The following TLK2 variants were observed in gnomAD, a reference collection of about 807,000 sequenced individuals.
The protein encoded by TLK2 is tousled like kinase 2, also known as serine/threonine-protein kinase tousled-like 2.
TLK2 carries 6 observed loss-of-function variants against 117.3 expected under a neutral mutation model. That is an observed-to-expected ratio of 0.05 (90% CI 0.03 to 0.10). The LOEUF (loss-of-function observed/expected upper bound fraction) is 0.10, where lower values mean the gene tolerates loss of function less well. TLK2 is among the 10% of genes least tolerant of loss of function. TLK2 has a pLI of 1.00. For missense variants in TLK2, 299 were observed against 901.2 expected (o/e 0.33, Z 8.56); for synonymous variants, 257 against 316.7 (o/e 0.81, Z 2.00).
chr17:62,473,381 G>C lies in TLK2; in HGVS notation c.-205+2303G>C, dbSNP rs560881663. On this transcript the variant is annotated intron_variant, in intron 1 of 4. Coordinates refer to the TLK2 transcript ENST00000579450. ...GGCACTAGGCTAGGGAGGTGATTCA[G>C]AAAGGCTCCCAGAGACCCACACACC... Among the ~76,000 whole-genome samples the C allele has an allele frequency of 3.4e-3, 523 of 151,924 alleles. 7 individuals carry two copies. The highest frequency in any genetic ancestry group is 0.012 in the African/African-American group (507 of 41,422).
upstream of TLK2, among the ~76,000 whole-genome samples, chr17:62,476,240 A>C (rs2071041046): frequency 6.6e-6 from 1 of 152,070 alleles, no homozygotes; most frequent in East Asian, 2.0e-4. Flanking sequence ...TTAGCCTCCC[A>C]GAGTGCTGGG....
intron 6 of TLK2, among the ~76,000 whole-genome samples, chr17:62,531,163 T>G (rs2076713988): frequency 6.6e-6 from 1 of 152,228 alleles, no homozygotes; most frequent in African/African-American, 2.4e-5. Context: ...ATTGTCTCTT[T>G]GAATATTATC....
rs754518262 is a variant in TLK2, at chr17:62,612,498, C to T, written c.2186C>T (p.Thr729Ile). ...LLPHIRKSVS[T>I]SSPAGAAIAS... is the part of the protein sequence containing the mutation. ...CCTCACATCCGAAAGTCAGTCTCTA[C>T]AAGTAGCCCTGCTGGAGCTGCTATT... The change falls in exon 22 of 22, where the codon ACA becomes ATA. Residue 729 changes from threonine to isoleucine, a missense_variant. Thr to Ile is a moderately conservative substitution (Grantham distance 89, BLOSUM62 -1). Transcript: ENST00000346027. The T allele has an allele frequency of 6.2e-7, 1 of 1,614,226 alleles. No homozygotes were observed. Among genetic ancestry groups the T allele is most frequent in the Non-Finnish European group, 8.5e-7 (1 of 1,180,042 alleles).
intron 2 of TLK2, among the ~76,000 whole-genome samples, chr17:62,496,956 CA>C (rs1156828880): frequency 0.011 from 472 of 43,398 alleles, no homozygotes; most frequent in African/African-American, 0.026. Context: ...GACTCCATCT[CA>C]AAAAAAAAAA....
At chr17:62,504,758 G>A (rs1232047848) in intron 2 of TLK2, among the ~76,000 whole-genome samples, 2 of 152,142 alleles carry the variant, frequency 1.3e-5, no homozygotes, top group Non-Finnish European at 2.9e-5. Flanking sequence ...CCAGTGAGCT[G>A]TGATGGCACC....
chr17:62,546,435 C>G (rs2077946744), intron 7 of TLK2, among the ~76,000 whole-genome samples: 3 of 138,904 alleles, frequency 2.2e-5, no homozygotes, highest in South Asian at 4.8e-4. Flanking sequence ...TTCCTCTGTT[C>G]TTTTCTCTAG....
intron 7 of TLK2, among the ~76,000 whole-genome samples, chr17:62,544,109 C>T (rs376966428): frequency 4.0e-4 from 61 of 152,174 alleles, no homozygotes; most frequent in African/African-American, 1.1e-3. Flanking sequence ...ATTGAACTGT[C>T]GGCACCGTTT....
intron 2 of TLK2, among the ~76,000 whole-genome samples, chr17:62,511,870 G>A (rs2075169460): frequency 6.6e-6 from 1 of 152,154 alleles, no homozygotes; most frequent in African/African-American, 2.4e-5. Flanking sequence ...AAGCTACTCT[G>A]AACATTCTTA....
intron 16 of TLK2, among the ~76,000 whole-genome samples, chr17:62,596,284 C>T (rs534598792): frequency 3.7e-4 from 57 of 152,180 alleles, no homozygotes; most frequent in Admixed American, 1.0e-3. Context: ...CCATGTTGGC[C>T]AGGATGGTCT....
upstream of TLK2, chr17:62,478,171 C>G (rs1332860595): frequency 6.6e-6 from 1 of 152,042 alleles, no homozygotes; most frequent in African/African-American, 2.4e-5. Flanking sequence ...CGGGAGCCCG[C>G]GAACGCGGGT....
intron 5 of TLK2, among the ~76,000 whole-genome samples, chr17:62,523,529 A>G (rs2076181550): frequency 6.6e-6 from 1 of 152,378 alleles, no homozygotes; most frequent in East Asian, 1.9e-4. Context: ...GCAGTGAGCC[A>G]TGATCTACTG....
At chr17:62,572,299 A>T (rs1386975147) in intron 11 of TLK2, among the ~76,000 whole-genome samples, 1 of 152,164 alleles carries the variant, frequency 6.6e-6, no homozygotes, top group South Asian at 2.1e-4. Flanking sequence ...ATTGTCAATT[A>T]TAGTGGGTGA....
At chr17:62,528,844 A>C (rs774936539) in intron 6 of TLK2, among the ~76,000 whole-genome samples, 5 of 152,230 alleles carry the variant, frequency 3.3e-5, no homozygotes, top group Non-Finnish European at 5.9e-5. Context: ...GAAAATCACT[A>C]TAAAGTTAAC....
chr17:62,513,131 C>T (rs1421845100), intron 2 of TLK2, among the ~76,000 whole-genome samples: 4 of 151,498 alleles, frequency 2.6e-5, no homozygotes, highest in East Asian at 3.9e-4. Flanking sequence ...CCACCTGCGT[C>T]GGCCTCCCAA....
At chr17:62,562,787 T>A (rs993679728) in intron 10 of TLK2, among the ~76,000 whole-genome samples, 1 of 152,202 alleles carries the variant, frequency 6.6e-6, no homozygotes, top group African/African-American at 2.4e-5. Context: ...AATCCTGTGA[T>A]CCAGCAGTTC....
At chr17:62,530,269 C>CT (rs1411525248) in intron 6 of TLK2, among the ~76,000 whole-genome samples, 1 of 151,578 alleles carries the variant, frequency 6.6e-6, no homozygotes, top group African/African-American at 2.4e-5. Flanking sequence ...GCAAGACTGT[C>CT]TCAGAAACAA....
chr17:62,557,669 T>C (rs2078958222), intron 9 of TLK2, among the ~76,000 whole-genome samples: 1 of 152,204 alleles, frequency 6.6e-6, no homozygotes, highest in Non-Finnish European at 1.5e-5. Context: ...AAAAGCTCCT[T>C]GCCAAATTCC....
chr17:62,503,123 G>A (rs1425508454), intron 2 of TLK2, among the ~76,000 whole-genome samples: 1 of 142,784 alleles, frequency 7.0e-6, no homozygotes, highest in Non-Finnish European at 1.5e-5. Flanking sequence ...GCAGTGGCGC[G>A]ATCTTGGCTC....
intron 17 of TLK2, among the ~76,000 whole-genome samples, chr17:62,599,192 C>A (rs914428030): frequency 3.3e-5 from 5 of 152,212 alleles, no homozygotes; most frequent in African/African-American, 4.8e-5. Flanking sequence ...AGTGATCCAC[C>A]CATCTCTGCC....
Sources: gnomAD v4.1 joint callset for allele counts (sites outside exome capture counted in the v4.1 genomes callset) on GRCh38, gnomAD v4.1.1 for gene constraint, MANE v1.5 for transcripts, NCBI Gene and HGNC (gene_info 2026-07-23, HGNC 2026-07-21) for gene names.